IL1RAPL1: variants seen among roughly 807,000 people sequenced by gnomAD.
The protein encoded by IL1RAPL1 is interleukin 1 receptor accessory protein like 1, also known as interleukin-1 receptor accessory protein-like 1.
Under a neutral mutation model 48.4 loss-of-function variants are expected in IL1RAPL1, and 3 were observed. That is an observed-to-expected ratio of 0.06 (90% CI 0.03 to 0.16). IL1RAPL1 has a LOEUF of 0.16. Among genes scored for constraint, IL1RAPL1 ranks in the 10% least tolerant of loss-of-function variants. The pLI, the probability that IL1RAPL1 is intolerant of heterozygous loss-of-function variation, is 1.00. For synonymous variants in IL1RAPL1, 185 were observed against 187.7 expected (o/e 0.99, Z 0.12); for missense variants, 349 against 530.6 (o/e 0.66, Z 3.36).
At chrX:28,940,914 A>G (rs1365822489) in intron 2 of IL1RAPL1, among the ~76,000 whole-genome samples, 1 of 110,896 alleles carries the variant, frequency 9.0e-6, no homozygotes, top group South Asian at 3.8e-4. Context: ...TGGAGAATTG[A>G]GTTGAGCATG....
intron 2 of IL1RAPL1, among the ~76,000 whole-genome samples, chrX:28,998,319 C>T (rs754781817): frequency 9.0e-6 from 1 of 111,094 alleles, no homozygotes; most frequent in East Asian, 2.8e-4. Context: ...CAACACAATT[C>T]TCAGATTCAA....
chrX:29,220,321 A>G, intron 2 of IL1RAPL1, among the ~76,000 whole-genome samples: 1 of 112,795 alleles, frequency 8.9e-6, no homozygotes, highest in Non-Finnish European at 1.9e-5. Flanking sequence ...AAAGATATTT[A>G]CATGTCTAAC....
At chrX:29,632,799 C>T (rs923579681) in intron 5 of IL1RAPL1, among the ~76,000 whole-genome samples, 44 of 111,207 alleles carry the variant, frequency 4.0e-4, no homozygotes, top group African/African-American at 1.4e-3. Context: ...TAATATTGAA[C>T]GAATTTACAG....
chrX:28,714,639 A>T (rs1485503847), intron 1 of IL1RAPL1, among the ~76,000 whole-genome samples: 1 of 112,061 alleles, frequency 8.9e-6, no homozygotes, highest in Non-Finnish European at 1.9e-5. Flanking sequence ...ATAATCTTAC[A>T]TAAGGAAAGA....
chrX:29,040,895 T>C (rs1324444841), intron 2 of IL1RAPL1, among the ~76,000 whole-genome samples: 1 of 112,242 alleles, frequency 8.9e-6, no homozygotes, highest in East Asian at 2.8e-4. Context: ...TTGCAGATGA[T>C]TGGTTAGTGT....
intron 6 of IL1RAPL1, among the ~76,000 whole-genome samples, chrX:29,685,806 G>A (rs1926598537): frequency 9.2e-6 from 1 of 109,102 alleles, no homozygotes; most frequent in Non-Finnish European, 1.9e-5. Context: ...CCAACATACT[G>A]AAACCCCGTC....
chrX:28,785,215 C>T (rs1936462192), intron 1 of IL1RAPL1, among the ~76,000 whole-genome samples: 1 of 111,889 alleles, frequency 8.9e-6, no homozygotes, highest in Non-Finnish European at 1.9e-5. Context: ...GCCTCAACCT[C>T]TGGGGCTTAA....
At chrX:29,400,550 T>A (rs1466484049) in intron 5 of IL1RAPL1, among the ~76,000 whole-genome samples, 1 of 112,158 alleles carries the variant, frequency 8.9e-6, no homozygotes, top group African/African-American at 3.2e-5. Context: ...GACTTTTGTG[T>A]ATGATCATAC....
chrX:29,264,795 T>C, intron 2 of IL1RAPL1, among the ~76,000 whole-genome samples: 1 of 111,585 alleles, frequency 9.0e-6, no homozygotes, highest in African/African-American at 3.2e-5. Context: ...GCACCACAAT[T>C]TGTATCAAAC....
intron 2 of IL1RAPL1, among the ~76,000 whole-genome samples, chrX:29,155,438 A>T (rs1929550609): frequency 8.9e-6 from 1 of 111,992 alleles, no homozygotes; most frequent in South Asian, 3.7e-4. Flanking sequence ...GTTGTCTTTA[A>T]ATAAGTCTAT....
At chrX:29,080,656 C>G (rs771439955) in intron 2 of IL1RAPL1, among the ~76,000 whole-genome samples, 1 of 110,542 alleles carries the variant, frequency 9.0e-6, no homozygotes, top group South Asian at 3.8e-4. Flanking sequence ...ACATATAAAA[C>G]AAAGTCACTA....
chrX:29,097,467 A>C (rs961220319), intron 2 of IL1RAPL1, among the ~76,000 whole-genome samples: 3 of 112,102 alleles, frequency 2.7e-5, no homozygotes, highest in African/African-American at 9.7e-5. Context: ...GTGCAGAGCA[A>C]GTACTGAAGC....
intron 2 of IL1RAPL1, among the ~76,000 whole-genome samples, chrX:29,276,356 T>C (rs778905281): frequency 1.4e-4 from 16 of 112,416 alleles, no homozygotes; most frequent in South Asian, 7.3e-4. Context: ...ATGTTTAATA[T>C]ATCAACAAGG....
intron 6 of IL1RAPL1, among the ~76,000 whole-genome samples, chrX:29,852,784 TACTG>T (rs768358892): frequency 1.8e-5 from 2 of 111,856 alleles, no homozygotes; most frequent in South Asian, 7.4e-4. Context: ...AGCAGCTACT[TACTG>T]AGCTCCTCAA....
intron 1 of IL1RAPL1, among the ~76,000 whole-genome samples, chrX:28,675,666 G>A (rs1934988863): frequency 9.0e-6 from 1 of 111,722 alleles, no homozygotes; most frequent in African/African-American, 3.3e-5. Flanking sequence ...TGTACCATAT[G>A]TCCAGCTTTT....
At chrX:29,316,267 C>T (rs1002296621) in intron 3 of IL1RAPL1, among the ~76,000 whole-genome samples, 3 of 111,911 alleles carry the variant, frequency 2.7e-5, no homozygotes, top group Non-Finnish European at 3.8e-5. Flanking sequence ...CCCAGAACCA[C>T]GAAAATGACA....
At chrX:29,289,068 T>C (rs1784327743) in intron 3 of IL1RAPL1, among the ~76,000 whole-genome samples, 1 of 112,164 alleles carries the variant, frequency 8.9e-6, no homozygotes, top group African/African-American at 3.2e-5. Context: ...ATTAGACCTT[T>C]GTCAAGTGGA....
chrX:29,091,057 T>C lies in IL1RAPL1; in HGVS notation c.83-191881T>C, dbSNP rs7064749. Among the ~76,000 whole-genome samples, 926 of 112,345 alleles carry C rather than the reference T, an allele frequency of 8.2e-3. 4 individuals carry two copies. The highest frequency in any genetic ancestry group is 0.026 in the African/African-American group (802 of 30,999). On this transcript the variant is annotated intron_variant, in intron 2 of 10. Coordinates refer to ENST00000378993, the MANE Select transcript of IL1RAPL1 (RefSeq NM_014271.4). Reference sequence around the variant, plus strand: ...GGCACTGACCACAGCTAGTTTGTAGTGTCTGGAAAAGGAAGAGATTATCAG... The same window carrying C: ...GGCACTGACCACAGCTAGTTTGTAGCGTCTGGAAAAGGAAGAGATTATCAG...
chrX:29,666,477 T>C (rs750816767), intron 5 of IL1RAPL1, among the ~76,000 whole-genome samples: 36 of 108,822 alleles, frequency 3.3e-4, no homozygotes, highest in Non-Finnish European at 4.9e-4. Context: ...AATAACCGTG[T>C]AATTCTTCCT....
Sources: allele counts gnomAD v4.1 joint callset (sites outside exome capture counted in the v4.1 genomes callset), GRCh38; gene constraint gnomAD v4.1.1; transcripts MANE v1.5; gene names NCBI Gene and HGNC (gene_info 2026-07-23, HGNC 2026-07-21).